The following PCSK5 variants were observed in gnomAD, a reference collection of about 807,000 sequenced individuals.
PCSK5 encodes proprotein convertase subtilisin/kexin type 5.
Under a neutral mutation model 233.2 loss-of-function variants are expected in PCSK5, and 129 were observed. The ratio of observed to expected loss-of-function variants is 0.55; its 90% CI spans 0.48 to 0.64. The LOEUF (loss-of-function observed/expected upper bound fraction) is 0.64. Ranked by LOEUF, PCSK5 falls within the 30% of genes least tolerant of loss-of-function variation. PCSK5 has a pLI of 0.00. For synonymous variants in PCSK5, 825 were observed against 879.2 expected (o/e 0.94, Z 1.09); for missense variants, 2,076 against 2,430.1 (o/e 0.85, Z 3.06).
At chr9:76,226,535 C>T (rs1397383374) in intron 20 of PCSK5, among the ~76,000 whole-genome samples, 2 of 152,252 alleles carry the variant, frequency 1.3e-5, no homozygotes, top group African/African-American at 4.8e-5. Context: ...AGCTGGATCT[C>T]AGATTGACAG....
chr9:76,169,714 C>T lies in PCSK5; in HGVS notation c.1630C>T (p.His544Tyr), dbSNP rs780903348. Reference sequence around the variant, plus strand: ...TTTGTTCACTTTCAGGCTATTTGATCACTCCATGGAAGGATTCAAAAACTG... The same window carrying T: ...TTTGTTCACTTTCAGGCTATTTGATTACTCCATGGAAGGATTCAAAAACTG... ...SQLLANRLFD[H>Y]SMEGFKNWEF... Residue 544 changes from histidine to tyrosine, a missense_variant, in exon 13 of 38, where the codon CAC becomes TAC. Physicochemically the swap from His to Tyr is moderately conservative, Grantham distance 83. Around this residue, in one of 6 missense-constraint regions of PCSK5, gnomAD observed 50 missense variants for 104.7 expected, o/e 0.48. Coordinates refer to ENST00000674117, the MANE Select transcript of PCSK5 (RefSeq NM_001372043.1). 10 of 1,611,882 alleles carry T rather than the reference C, an allele frequency of 6.2e-6. No individual in the cohort carries two copies. The highest frequency in any genetic ancestry group is 1.7e-5 in the Admixed American group (1 of 59,866).
chr9:76,313,684 C>T (rs1471980884), intron 30 of PCSK5, among the ~76,000 whole-genome samples: 2 of 152,226 alleles, frequency 1.3e-5, no homozygotes, highest in East Asian at 1.9e-4. Context: ...AAAAACAAAA[C>T]ACATAAAACA....
intron 5 of PCSK5, among the ~76,000 whole-genome samples, chr9:76,040,319 T>TTCTCTG (rs1563988410): frequency 9.0e-6 from 1 of 110,638 alleles, no homozygotes; most frequent in South Asian, 2.9e-4. Flanking sequence ...CTTAGATGTG[T>TTCTCTG]TCTCTGTCTC....
intron 6 of PCSK5, among the ~76,000 whole-genome samples, chr9:76,070,835 C>T (rs985339629): frequency 6.6e-6 from 1 of 152,078 alleles, no homozygotes; most frequent in Non-Finnish European, 1.5e-5. Flanking sequence ...TAAAATCCTA[C>T]TGATGACAAG....
intron 12 of PCSK5, among the ~76,000 whole-genome samples, chr9:76,166,327 G>A (rs1256372907): frequency 1.3e-5 from 2 of 152,182 alleles, no homozygotes; most frequent in Non-Finnish European, 2.9e-5. Context: ...GCTCATTTAT[G>A]TTTGGGCTTT....
At chr9:76,060,132 A>G (rs1033306361) in intron 5 of PCSK5, among the ~76,000 whole-genome samples, 1 of 152,324 alleles carries the variant, frequency 6.6e-6, no homozygotes, top group African/African-American at 2.4e-5. Flanking sequence ...GAAACAGAGC[A>G]AAGAATGTAC....
chr9:76,222,952 T>C (rs1460581540), intron 20 of PCSK5, among the ~76,000 whole-genome samples: 2 of 152,220 alleles, frequency 1.3e-5, no homozygotes, highest in African/African-American at 4.8e-5. Flanking sequence ...GATAATATTA[T>C]TTGATTAACA....
chr9:76,124,745 C>CAAA (rs58659276), intron 9 of PCSK5, among the ~76,000 whole-genome samples: 4 of 92,128 alleles, frequency 4.3e-5, no homozygotes, highest in East Asian at 6.7e-4. Flanking sequence ...GACTCCATCT[C>CAAA]AAAAAAAAAA....
At chr9:76,128,941 A>T (rs1587664377) in intron 9 of PCSK5, among the ~76,000 whole-genome samples, 1 of 152,330 alleles carries the variant, frequency 6.6e-6, no homozygotes, top group African/African-American at 2.4e-5. Flanking sequence ...ATGCACCCCC[A>T]GTGGCAGATA....
Position 76,188,612 on chromosome 9 carries a change from G to A in PCSK5, c.2317G>A (p.Asp773Asn). 6.2e-7 allele frequency: 1 copy of A among 1,613,808 alleles called. No homozygotes were observed. Among genetic ancestry groups the A allele is most frequent in the African/African-American group, 1.3e-5 (1 of 75,018 alleles). Residue 773 changes from aspartate to asparagine, a missense_variant, in exon 18 of 38, where the codon GAT (aspartate) becomes AAT (asparagine). Physicochemically the swap from Asp to Asn is conservative, Grantham distance 23 (BLOSUM62 1). This residue lies in a region of PCSK5 where 1,510 missense variants were observed against 1,538.1 expected (regional missense o/e 0.98). Transcript: ENST00000674117. ...ATCCCGGTGCTCTGTCTCCTGTGAA[G>A]ATGGACGGTATTTCAACGGCCAGGA... is the stretch of plus-strand genomic sequence containing the variant. Reference protein sequence around the residue: ...QGSRCSVSCEDGRYFNGQDCQ... With the variant: ...QGSRCSVSCENGRYFNGQDCQ...
intron 2 of PCSK5, among the ~76,000 whole-genome samples, chr9:75,941,368 C>A (rs987861056): frequency 6.6e-6 from 1 of 152,028 alleles, no homozygotes. Flanking sequence ...TCTTCGGGTA[C>A]GTACCTGAGG....
intron 24 of PCSK5, among the ~76,000 whole-genome samples, chr9:76,246,106 C>A (rs1031797126): frequency 6.6e-6 from 1 of 151,860 alleles, no homozygotes; most frequent in African/African-American, 2.4e-5. Context: ...TTTGGGAGGC[C>A]GAGGCGGGCA....
chr9:76,157,632 A>G (rs1822652905), intron 11 of PCSK5, among the ~76,000 whole-genome samples: 1 of 151,932 alleles, frequency 6.6e-6, no homozygotes, highest in Admixed American at 6.5e-5. Flanking sequence ...GTTTGCCAAC[A>G]GGATTCTATC....
At chr9:76,090,478 C>A (rs769958972) in intron 7 of PCSK5, among the ~76,000 whole-genome samples, 2 of 152,140 alleles carry the variant, frequency 1.3e-5, no homozygotes, top group African/African-American at 4.8e-5. Context: ...TCTGGGACTT[C>A]AATCATAAAC....
chr9:75,970,104 C>T (rs1587437824), intron 2 of PCSK5, among the ~76,000 whole-genome samples: 2 of 152,042 alleles, frequency 1.3e-5, no homozygotes, highest in African/African-American at 4.8e-5. Context: ...AACTCCTGAC[C>T]TCAGTTGATC....
At chr9:75,943,271 G>A (rs4347051) in intron 2 of PCSK5, among the ~76,000 whole-genome samples, 5,406 of 152,188 alleles carry the variant, frequency 0.036, 124 homozygotes, top group Admixed American at 0.062. Context: ...TTTCTAGATA[G>A]GTATTAAGAA....
intron 24 of PCSK5, among the ~76,000 whole-genome samples, chr9:76,263,221 G>A (rs191218896): frequency 7.9e-5 from 12 of 152,250 alleles, no homozygotes; most frequent in East Asian, 1.9e-4. Context: ...TCAGTGTGGC[G>A]ATTCCTCAGG....
intron 20 of PCSK5, among the ~76,000 whole-genome samples, chr9:76,224,419 GA>G (rs935223157): frequency 5.4e-5 from 8 of 148,732 alleles, no homozygotes; most frequent in East Asian, 2.0e-4. Context: ...TTGACATTGA[GA>G]AAAAAAAAAG....
chr9:76,354,160 G>A lies in PCSK5; in HGVS notation c.5195G>A (p.Cys1732Tyr). 1 of 1,593,494 alleles carries A rather than the reference G, an allele frequency of 6.3e-7. No homozygotes were observed. The highest frequency in any genetic ancestry group is 8.5e-7 in the Non-Finnish European group (1 of 1,170,714). The change falls in exon 37 of 38, where the codon TGC becomes TAC. Residue 1732 changes from cysteine (C) to tyrosine (Y), a missense_variant. By Grantham distance (194) the Cys-to-Tyr change is radical. This residue lies in a region of PCSK5 where 1,510 missense variants were observed against 1,538.1 expected (regional missense o/e 0.98). Coordinates refer to ENST00000674117, the MANE Select transcript of PCSK5 (RefSeq NM_001372043.1). ...LHMDDSHCLH[C>Y]CNTSDPPSAQ... Reference sequence around the variant, plus strand: ...ATGGACGACAGCCACTGCCTCCACTGCTGCAACACCTCTGATCCCCCCAGT... The same window carrying A: ...ATGGACGACAGCCACTGCCTCCACTACTGCAACACCTCTGATCCCCCCAGT...
Sources: gnomAD v4.1 joint callset for allele counts (sites outside exome capture counted in the v4.1 genomes callset) on GRCh38, gnomAD v4.1.1 for gene constraint, gnomAD v4.1.1 regional missense constraint, MANE v1.5 for transcripts, NCBI Gene and HGNC (gene_info 2026-07-23, HGNC 2026-07-21) for gene names.